DNAJC27: variants seen among roughly 807,000 people sequenced by gnomAD.
DNAJC27 encodes the protein dnaJ homolog subfamily C member 27.
DNAJC27 carries 25 observed loss-of-function variants against 31.4 expected under a neutral mutation model. The ratio of observed to expected loss-of-function variants is 0.80; its 90% confidence interval spans 0.58 to 1.11. DNAJC27 has a LOEUF of 1.11. Ranked by LOEUF, DNAJC27 falls within the 50% of genes most tolerant of loss-of-function variation. The pLI, the probability that DNAJC27 is intolerant of heterozygous loss-of-function variation, is 0.00. For missense variants in DNAJC27, 356 were observed against 347.3 expected, an observed-to-expected ratio of 1.02 and a Z score of -0.20; for synonymous variants, 106 against 112.7, an observed-to-expected ratio of 0.94 and a Z score of 0.37.
intron 6 of DNAJC27, among the ~76,000 whole-genome samples, chr2:24,948,762 T>C (rs1573106512): frequency 6.6e-6 from 1 of 152,150 alleles, no homozygotes; most frequent in African/African-American, 2.4e-5. Context: ...GTGTCAGGCC[T>C]CCCAGAGGGC....
chr2:24,956,787 G>A lies in DNAJC27; in HGVS notation c.528+256C>T, dbSNP rs557005347. ...CAGTAGGTCTGAAGCCTAGAAGTAT[G>A]TATTTTAAGAATTTCCTCAGGTAAT... On this transcript the variant is annotated intron_variant, in intron 5 of 6. Coordinates refer to ENST00000264711, the MANE Select transcript of DNAJC27 (RefSeq NM_016544.3). Among the ~76,000 whole-genome samples the A allele has an allele frequency of 2.6e-5, 4 of 152,260 alleles. No homozygotes were observed. The East Asian group carries it at 7.7e-4, about 29-fold the overall frequency.
At chr2:24,957,221 T>C in intron 4 of DNAJC27, 56 bp from the exon 5 acceptor site, 1 of 1,521,968 alleles carries the variant, frequency 6.6e-7, no homozygotes, top group Non-Finnish European at 8.8e-7. Context: ...CCTACTAGAA[T>C]GGACCCAGTG....
rs1665667243 is a variant in DNAJC27, at chr2:24,947,052, A to G, written c.*564T>C. 6.6e-6 allele frequency: 1 copy of G among 152,364 alleles called. No individual in the cohort carries two copies. The highest frequency in any genetic ancestry group is 1.5e-5 in the Non-Finnish European group (1 of 68,132). The allele number at this position is 152,364 out of a possible 1,614,324, so 9.4% of individuals were successfully genotyped here. A position where few individuals can be genotyped will look rare whatever the true frequency, so the allele number is the denominator to read the frequency against. ...AATATCATAAAGGAATGCTCAATTCAGAACTGTATCACCTCATTTTACAAA... is the reference window on the plus strand; with the variant it reads ...AATATCATAAAGGAATGCTCAATTCGGAACTGTATCACCTCATTTTACAAA... On this transcript the variant is annotated 3_prime_UTR_variant, in exon 7 of 7. Transcript: ENST00000264711.
intron 1 of DNAJC27, among the ~76,000 whole-genome samples, chr2:24,967,762 A>G (rs1666226494): frequency 6.6e-6 from 1 of 151,992 alleles, no homozygotes; most frequent in Non-Finnish European, 1.5e-5. Context: ...ATTTTAAGAA[A>G]AATTATTTTT....
At chr2:24,950,766 G>A (rs551215191) in intron 6 of DNAJC27, among the ~76,000 whole-genome samples, 1 of 152,078 alleles carries the variant, frequency 6.6e-6, no homozygotes, top group East Asian at 1.9e-4. Flanking sequence ...AGTATTGCTT[G>A]AACCCAGGAG....
At chr2:24,965,163 A>G (rs192169024) in intron 2 of DNAJC27, among the ~76,000 whole-genome samples, 52 of 151,966 alleles carry the variant, frequency 3.4e-4, no homozygotes, top group African/African-American at 1.2e-3. Context: ...CTGAGGTTGC[A>G]GTGAGCCAAG....
At chr2:24,957,553 G>A (rs1365129485) in intron 4 of DNAJC27, among the ~76,000 whole-genome samples, 2 of 151,814 alleles carry the variant, frequency 1.3e-5, no homozygotes, top group African/African-American at 4.8e-5. Flanking sequence ...CTGATTATTA[G>A]GAACCATTGC....
At chr2:24,966,524 T>C (rs534115069) in intron 2 of DNAJC27, among the ~76,000 whole-genome samples, 1 of 152,236 alleles carries the variant, frequency 6.6e-6, no homozygotes, top group East Asian at 1.9e-4. Flanking sequence ...AATGGCACAG[T>C]CTCAGCTCAC....
chr2:24,961,252 T>A (rs186389633), intron 3 of DNAJC27, among the ~76,000 whole-genome samples: 1 of 152,348 alleles, frequency 6.6e-6, no homozygotes, highest in East Asian at 1.9e-4. Context: ...AAGCATAGTT[T>A]ACTGAATATT....
At chr2:24,971,703 T>G (rs1407324917) in intron 1 of DNAJC27, 115 bp downstream of exon 1, 10 of 883,772 alleles carry the variant, frequency 1.1e-5, no homozygotes, top group African/African-American at 1.7e-5. Flanking sequence ...GACCCGGGCC[T>G]GCTCGGGGGC....
rs796576572 is a variant in DNAJC27, at chr2:24,969,484, A to AT, written c.88-2192dup. On this transcript the variant is annotated intron_variant, in intron 1 of 6. Coordinates refer to ENST00000264711, the MANE Select transcript of DNAJC27 (RefSeq NM_016544.3). ...AAAACCATCATCACAGTGAAAAAAA[A>AT]TTTTTTTTTTCTTTTTAGAGTCTCA... 299 of 172,512 alleles carry AT rather than the reference A, an allele frequency of 1.7e-3. 1 individual carries two copies. The highest frequency in any genetic ancestry group is 3.7e-3 in the South Asian group (32 of 8,680). The allele number at this position is 172,512 out of a possible 1,614,324, so 10.7% of individuals were successfully genotyped here. A position where few individuals can be genotyped will look rare whatever the true frequency, so the allele number is the denominator to read the frequency against.
intron 5 of DNAJC27, among the ~76,000 whole-genome samples, chr2:24,952,088 T>C (rs972015616): frequency 4.6e-5 from 7 of 152,182 alleles, no homozygotes; most frequent in African/African-American, 7.2e-5. Flanking sequence ...TACTCCAGCC[T>C]GGGTGACAGA....
At chr2:24,954,712 C>A (rs549365382) in intron 5 of DNAJC27, among the ~76,000 whole-genome samples, 1 of 152,140 alleles carries the variant, frequency 6.6e-6, no homozygotes, top group Non-Finnish European at 1.5e-5. Context: ...CCGAGGCGGG[C>A]GGATCACGAG....
upstream of DNAJC27, chr2:24,972,075 G>A (rs1666361832): frequency 4.0e-6 from 2 of 501,182 alleles, no homozygotes; most frequent in Middle Eastern, 5.3e-4. Flanking sequence ...TGGGAGCGTG[G>A]GGAGCCGGGG....
chr2:24,966,808 T>G (rs922213113), intron 2 of DNAJC27, among the ~76,000 whole-genome samples: 2 of 152,206 alleles, frequency 1.3e-5, no homozygotes, highest in African/African-American at 4.8e-5. Context: ...ATAAAAAAAC[T>G]TCTCTGGTAG....
chr2:24,947,154 A>G lies in DNAJC27; in HGVS notation c.*462T>C, dbSNP rs1665669073. 6.5e-6 allele frequency: 1 copy of G among 154,468 alleles called. No individual in the cohort carries two copies. The highest frequency in any genetic ancestry group is 6.4e-5 in the Admixed American group (1 of 15,716). 9.6% of individuals were successfully genotyped at this position (154,468 alleles called of 1,614,324 possible). Reference sequence around the variant, plus strand: ...CACCTAAGGAACTCATTGTAAAAGCAGCAACTTGTCTGTAAGGTCACACCA... The same window carrying G: ...CACCTAAGGAACTCATTGTAAAAGCGGCAACTTGTCTGTAAGGTCACACCA... On this transcript the variant is annotated 3_prime_UTR_variant, in exon 7 of 7. Transcript: ENST00000264711.
In DNAJC27 at chr2:24,951,460, G is replaced by T; in HGVS notation, c.623C>A (p.Ala208Asp). ...TTTACTATTTCGAATTCTGCGAATG[G>T]CATCTGCTTGTTCTTTGGTGAAACT... ...SASFTKEQADAIRRIRNSKDS... is the reference protein window; with the variant it reads ...SASFTKEQADDIRRIRNSKDS... Residue 208 changes from alanine (A) to aspartate (D), a missense_variant, in exon 6 of 7, where the codon GCC (alanine) becomes GAC (aspartate). By Grantham distance (126) the Ala-to-Asp change is moderately radical. Coordinates refer to ENST00000264711, the MANE Select transcript of DNAJC27 (RefSeq NM_016544.3). 1 of 1,613,840 alleles carries T rather than the reference G, an allele frequency of 6.2e-7. No homozygotes were observed. Among genetic ancestry groups the T allele is most frequent in the Non-Finnish European group, 8.5e-7 (1 of 1,179,886 alleles).
intron 3 of DNAJC27, chr2:24,958,451 C>A (rs781623493): frequency 4.5e-6 from 1 of 220,210 alleles, no homozygotes; most frequent in Non-Finnish European, 1.0e-5. Flanking sequence ...GGTCTGCACA[C>A]CAACTTTAGA....
At position 24,944,303 on chromosome 2, in the gene DNAJC27, T is replaced by A. The variant is rs1057400707; in HGVS notation, c.*3313A>T. 1 of 150,438 alleles carries A rather than the reference T, an allele frequency of 6.6e-6. No individual in the cohort carries two copies. The highest frequency in any genetic ancestry group is 2.4e-5 in the African/African-American group (1 of 40,910). The allele number at this position is 150,438 out of a possible 1,614,324, so 9.3% of individuals were successfully genotyped here. A position where few individuals can be genotyped will look rare whatever the true frequency, so the allele number is the denominator to read the frequency against. On this transcript the variant is annotated 3_prime_UTR_variant, in exon 7 of 7. Coordinates refer to ENST00000264711, the MANE Select transcript of DNAJC27 (RefSeq NM_016544.3). Reference sequence around the variant, plus strand: ...TCCACCTTTCTAACTTTTGGCAAAATCCCTCCCTTCCCCTTGTGATGTTGT... The same window carrying A: ...TCCACCTTTCTAACTTTTGGCAAAAACCCTCCCTTCCCCTTGTGATGTTGT...
Sources: allele counts gnomAD v4.1 joint callset (sites outside exome capture counted in the v4.1 genomes callset), GRCh38; gene constraint gnomAD v4.1.1; transcripts MANE v1.5; gene names NCBI Gene and HGNC (gene_info 2026-07-23, HGNC 2026-07-21).